DCTD: variants seen among roughly 807,000 people sequenced by gnomAD.
DCTD encodes dCMP deaminase.
Under a neutral mutation model 21.0 loss-of-function variants are expected in DCTD, and 23 were observed. The ratio of observed to expected loss-of-function variants is 1.09; its 90% CI spans 0.79 to 1.55. DCTD has a LOEUF of 1.55. Among genes scored for constraint, DCTD ranks in the 40% most tolerant of loss-of-function variants. The pLI, the probability that DCTD is intolerant of heterozygous loss-of-function variation, is 0.00. For missense variants in DCTD, 224 were observed against 230.0 expected, an observed-to-expected ratio of 0.97 and a Z score of 0.17; for synonymous variants, 71 against 81.1, an observed-to-expected ratio of 0.88 and a Z score of 0.67.
upstream of DCTD, chr4:182,917,419 A>AGCGGCCC (rs1738943797): frequency 5.1e-6 from 5 of 977,176 alleles, no homozygotes; most frequent in South Asian, 1.4e-4. This position sits in a 1 kb window ranked among gnomAD's most constrained non-coding sequence, Gnocchi z 4.9. Flanking sequence ...GGAAGGGGGC[A>AGCGGCCC]GCGGCCCGGG....
intron 3 of DCTD, among the ~76,000 whole-genome samples, chr4:182,912,519 A>G (rs1289448216): frequency 1.3e-5 from 2 of 152,262 alleles, no homozygotes; most frequent in Non-Finnish European, 1.5e-5. Context: ...ATAATAAAAA[A>G]TAATGCAGAC....
chr4:182,909,859 GA>G (rs1425477296), intron 3 of DCTD, among the ~76,000 whole-genome samples: 3 of 152,192 alleles, frequency 2.0e-5, no homozygotes, highest in African/African-American at 7.2e-5. Flanking sequence ...TGCTAAGTCT[GA>G]AAAATAAAGA....
At position 182,905,830 on chromosome 4, in the gene DCTD, C is replaced by T. The variant is rs539210032; in HGVS notation, c.244+9093G>A. On this transcript the variant is annotated intron_variant, in intron 3 of 5. Transcript: ENST00000438320. ...TGACCACCCAACCCTTTGCAGGGAG[C>T]GCTCATGGGCACCTCAGCCTTCAGG... Among the ~76,000 whole-genome samples the T allele has an allele frequency of 3.3e-5, 5 of 152,304 alleles. No homozygotes were observed. The South Asian group carries it at 8.3e-4, about 25-fold the overall frequency.
At chr4:182,903,553 G>A (rs1288965593) in intron 3 of DCTD, among the ~76,000 whole-genome samples, 2 of 152,190 alleles carry the variant, frequency 1.3e-5, no homozygotes, top group African/African-American at 4.8e-5. Flanking sequence ...GCCCAGAGAG[G>A]AGGGCTCTGC....
In DCTD at chr4:182,891,316, A is replaced by G; in HGVS notation, c.*83T>C. 2.1e-6 allele frequency: 2 copies of G among 933,114 alleles called. No individual in the cohort carries two copies. Among genetic ancestry groups the G allele is most frequent in the Non-Finnish European group, 3.5e-6 (2 of 569,526 alleles). 57.8% of individuals were successfully genotyped at this position (933,114 alleles called of 1,614,324 possible). On this transcript the variant is annotated 3_prime_UTR_variant, in exon 6 of 6. Coordinates refer to ENST00000438320, the MANE Select transcript of DCTD (RefSeq NM_001921.3). ...TTGCCATACTGGCTAGTAAGAAGTT[A>G]TGTGTAACTTCAAGATGAAAGGCAT...
intron 1 of DCTD, chr4:182,916,448 T>C: frequency 1.0e-6 from 1 of 985,410 alleles, no homozygotes; most frequent in Non-Finnish European, 1.2e-6. Context: ...AGGCGAGGAA[T>C]GTGGTCTAAA....
intron 3 of DCTD, among the ~76,000 whole-genome samples, chr4:182,909,855 G>A (rs1164336462): frequency 6.6e-6 from 1 of 152,214 alleles, no homozygotes; most frequent in Non-Finnish European, 1.5e-5. Context: ...AATATGCTAA[G>A]TCTGAAAAAT....
At chr4:182,904,140 G>A (rs1029045545) in intron 3 of DCTD, among the ~76,000 whole-genome samples, 10 of 152,006 alleles carry the variant, frequency 6.6e-5, no homozygotes, top group South Asian at 4.2e-4. Flanking sequence ...GACAACTCAC[G>A]GCACCCAGGG....
Position 182,907,688 on chromosome 4 carries a change from T to A in DCTD, c.244+7235A>T, listed in dbSNP as rs538590369. The stretch of plus-strand genomic sequence containing the variant: ...CCTGTGGCATTGCCTCCAACAGCTT[T>A]TTACAGCTCTGATTTGACCGAGAAC... On this transcript the variant is annotated intron_variant, in intron 3 of 5. Transcript: ENST00000438320. 2.0e-5 allele frequency among the ~76,000 whole-genome samples: 3 copies of A among 152,334 alleles called. No individual in the cohort carries two copies. In the East Asian group the frequency reaches 5.8e-4, roughly 29 times the overall value.
chr4:182,913,641 A>G (rs965010893), intron 3 of DCTD, among the ~76,000 whole-genome samples: 1 of 152,216 alleles, frequency 6.6e-6, no homozygotes, highest in Non-Finnish European at 1.5e-5. Flanking sequence ...TGAAGACACA[A>G]TCTTTCCCAT....
chr4:182,909,043 T>C (rs1041659701), intron 3 of DCTD, among the ~76,000 whole-genome samples: 7 of 152,226 alleles, frequency 4.6e-5, no homozygotes, highest in Non-Finnish European at 7.3e-5. Flanking sequence ...TTTCAGCTTT[T>C]CCTAACATGT....
intron 3 of DCTD, among the ~76,000 whole-genome samples, chr4:182,907,609 A>C (rs1736958990): frequency 6.6e-6 from 1 of 151,382 alleles, no homozygotes; most frequent in African/African-American, 2.4e-5. Context: ...TAGAGGAGGG[A>C]GGGAAAGGCG....
intron 3 of DCTD, among the ~76,000 whole-genome samples, chr4:182,911,739 T>C (rs1272196180): frequency 6.6e-6 from 1 of 152,218 alleles, no homozygotes; most frequent in Admixed American, 6.5e-5. Context: ...TATCCACAAC[T>C]GGATAAATCC....
rs763461127 is a variant in DCTD at position 182,915,676 on chromosome 4, T to C, written c.-7-101A>G. On this transcript the variant is annotated intron_variant, in intron 1 of 5. Coordinates refer to ENST00000438320, the MANE Select transcript of DCTD (RefSeq NM_001921.3). ...CACTGAACCTTTAAATCTCTAAACA[T>C]GGGCAACTTCAGCTACATTTATCAA... 47 of 876,450 alleles carry C rather than the reference T, an allele frequency of 5.4e-5. No homozygotes were observed. The African/African-American group carries it at 6.6e-4, about 12-fold the overall frequency. The allele number at this position is 876,450 out of a possible 1,614,324, so 54.3% of individuals were successfully genotyped here. A position where few individuals can be genotyped will look rare whatever the true frequency, so the allele number is the denominator to read the frequency against.
At chr4:182,899,318 A>G (rs1414496794) in intron 3 of DCTD, among the ~76,000 whole-genome samples, 1 of 148,668 alleles carries the variant, frequency 6.7e-6, no homozygotes, top group Non-Finnish European at 1.5e-5. Flanking sequence ...AGGTCCTTTT[A>G]TTTTTCCTGC....
chr4:182,913,430 C>A (rs1170515510), intron 3 of DCTD, among the ~76,000 whole-genome samples: 1 of 152,216 alleles, frequency 6.6e-6, no homozygotes, highest in Non-Finnish European at 1.5e-5. Flanking sequence ...TTAACTTTTT[C>A]TTTCAAACAT....
chr4:182,908,721 G>A (rs921805412), intron 3 of DCTD, among the ~76,000 whole-genome samples: 19 of 143,492 alleles, frequency 1.3e-4, no homozygotes, highest in Middle Eastern at 7.3e-3. Flanking sequence ...AGAAGAAGAA[G>A]AAGAAATAAA....
intron 3 of DCTD, among the ~76,000 whole-genome samples, chr4:182,895,207 G>A (rs1734526401): frequency 6.6e-6 from 1 of 152,146 alleles, no homozygotes; most frequent in South Asian, 2.1e-4. Context: ...AAGTAGCTGG[G>A]AGTACAGACG....
At chr4:182,905,423 G>A (rs1265960396) in intron 3 of DCTD, among the ~76,000 whole-genome samples, 2 of 149,540 alleles carry the variant, frequency 1.3e-5, no homozygotes, top group Non-Finnish European at 3.0e-5. Flanking sequence ...CCGCCTCCCA[G>A]TTTCAAGCAA....
Sources: allele counts gnomAD v4.1 joint callset (sites outside exome capture counted in the v4.1 genomes callset), GRCh38; gene constraint gnomAD v4.1.1; non-coding constraint Gnocchi (gnomAD v3.1); transcripts MANE v1.5; gene names NCBI Gene and HGNC (gene_info 2026-07-23, HGNC 2026-07-21).